DHRS7B: variants seen among roughly 807,000 people sequenced by gnomAD.
The protein encoded by DHRS7B is peroxisomal reductase activating PPAR-gamma.
In DHRS7B, 24 loss-of-function variants were observed where a neutral mutation model predicts 26.4. The observed-to-expected ratio is 0.91, with a 90% CI of 0.66 to 1.28. The LOEUF is 1.28. DHRS7B is among the 50% of genes most tolerant of loss of function. DHRS7B has a pLI of 0.00. For missense variants in DHRS7B, 368 were observed against 419.4 expected, an observed-to-expected ratio of 0.88 and a Z score of 1.07; for synonymous variants, 142 against 166.4, an observed-to-expected ratio of 0.85 and a Z score of 1.13.
chr17:21,141,640 A>AAAAAGG, intron 1 of DHRS7B, among the ~76,000 whole-genome samples: 2 of 90,078 alleles, frequency 2.2e-5, no homozygotes, highest in Non-Finnish European at 4.1e-5. Context: ...AAAAAAAAAA[A>AAAAAGG]CAACCTCATC....
At chr17:21,138,075 A>AAAATATAT (rs1238830544) in intron 1 of DHRS7B, among the ~76,000 whole-genome samples, 4 of 33,226 alleles carry the variant, frequency 1.2e-4, no homozygotes, top group East Asian at 5.3e-4. Context: ...TTAAAAAAAA[A>AAAATATAT]ATATATATAT....
intron 1 of DHRS7B, among the ~76,000 whole-genome samples, chr17:21,168,206 G>C (rs1271814346): frequency 1.3e-5 from 2 of 152,192 alleles, no homozygotes; most frequent in South Asian, 4.1e-4. Context: ...TTCAGAGTTT[G>C]AAAAACTCTG....
chr17:21,164,051 C>A (rs1974057976), intron 1 of DHRS7B, among the ~76,000 whole-genome samples: 1 of 43,228 alleles, frequency 2.3e-5, no homozygotes. Context: ...TTTTTTGAGA[C>A]AGGGTGTCAT....
At chr17:21,141,471 A>G (rs1973507814) in intron 1 of DHRS7B, among the ~76,000 whole-genome samples, 1 of 152,038 alleles carries the variant, frequency 6.6e-6, no homozygotes, top group Admixed American at 6.6e-5. Flanking sequence ...CACACAAAAC[A>G]GCAATAGGAT....
At chr17:21,138,278 G>A (rs1034080350) in intron 1 of DHRS7B, among the ~76,000 whole-genome samples, 12 of 129,264 alleles carry the variant, frequency 9.3e-5, no homozygotes, top group African/African-American at 1.8e-4. Flanking sequence ...GTGCAGTGGC[G>A]CGATCTTGGC....
chr17:21,174,868 G>A (rs1431598943), intron 2 of DHRS7B, among the ~76,000 whole-genome samples: 1 of 152,172 alleles, frequency 6.6e-6, no homozygotes, highest in Non-Finnish European at 1.5e-5. Context: ...ATCTGGCTTG[G>A]AGTGCAGCCA....
chr17:21,153,549 A>G (rs531580015), intron 1 of DHRS7B, among the ~76,000 whole-genome samples: 3 of 152,344 alleles, frequency 2.0e-5, no homozygotes, highest in East Asian at 1.9e-4. Context: ...AAGTTCAGAG[A>G]ACACCAAGCA....
At chr17:21,144,261 A>G (rs1446659690) in intron 1 of DHRS7B, among the ~76,000 whole-genome samples, 2 of 152,184 alleles carry the variant, frequency 1.3e-5, no homozygotes, top group African/African-American at 2.4e-5. Context: ...ATAAGTGCCT[A>G]GAGATGCAGG....
At chr17:21,136,278 G>A (rs1444563175) in intron 1 of DHRS7B, among the ~76,000 whole-genome samples, 2 of 150,988 alleles carry the variant, frequency 1.3e-5, no homozygotes, top group Non-Finnish European at 2.9e-5. Context: ...CTCCAGCCTG[G>A]GCAACAAGAG....
chr17:21,169,866 C>T (rs1359596614), intron 1 of DHRS7B, among the ~76,000 whole-genome samples: 2 of 152,102 alleles, frequency 1.3e-5, no homozygotes, highest in South Asian at 2.1e-4. Flanking sequence ...AGCTGAGGCC[C>T]CCACCCCTTT....
chr17:21,183,058 CTCTA>C (rs1170781816), intron 3 of DHRS7B, among the ~76,000 whole-genome samples: 1 of 152,176 alleles, frequency 6.6e-6, no homozygotes, highest in Non-Finnish European at 1.5e-5. Context: ...CTGATCCAAT[CTCTA>C]TCTGTTAGAA....
At chr17:21,159,130 G>T (rs1055266664) in intron 1 of DHRS7B, among the ~76,000 whole-genome samples, 4 of 152,068 alleles carry the variant, frequency 2.6e-5, no homozygotes, top group African/African-American at 9.7e-5. Context: ...ATCCATGAAA[G>T]AAATAATTGA....
intron 1 of DHRS7B, among the ~76,000 whole-genome samples, chr17:21,156,596 CTCCA>C (rs1171170342): frequency 6.8e-6 from 1 of 146,668 alleles, no homozygotes; most frequent in African/African-American, 2.5e-5. Flanking sequence ...CAGAGTGAGA[CTCCA>C]TCTCAAAAAA....
In DHRS7B at chr17:21,178,257, C is replaced by A. The variant is rs757076694; in HGVS notation, c.224C>A (p.Ala75Glu). The change falls in exon 3 of 7, where the codon GCG becomes GAG. Residue 75 changes from alanine (A) to glutamate (E), a missense_variant. Transcript: ENST00000395511. ...GKECAKVFYA[A>E]GAKLVLCGRN... ...GAATGTGCAAAAGTCTTCTATGCTG[C>A]GGGTGCTAAACTGGTGCTCTGTGGC... 1.2e-6 allele frequency: 2 copies of A among 1,614,112 alleles called. No individual in the cohort carries two copies. Among genetic ancestry groups the A allele is most frequent in the African/African-American group, 2.7e-5 (2 of 74,942 alleles).
intron 3 of DHRS7B, among the ~76,000 whole-genome samples, chr17:21,180,863 G>T (rs1222638893): frequency 6.9e-6 from 1 of 144,928 alleles, no homozygotes; most frequent in Non-Finnish European, 1.5e-5. Flanking sequence ...ATTTTGATAG[G>T]AATAACATCG....
intron 1 of DHRS7B, among the ~76,000 whole-genome samples, chr17:21,143,311 C>G (rs1382690874): frequency 6.6e-6 from 1 of 152,196 alleles, no homozygotes; most frequent in Non-Finnish European, 1.5e-5. Flanking sequence ...GATCTGCAGC[C>G]TTGGCCTCCC....
chr17:21,166,433 C>A, intron 1 of DHRS7B: 2 of 984,998 alleles, frequency 2.0e-6, no homozygotes, highest in Non-Finnish European at 2.4e-6. Flanking sequence ...AAGACACTGG[C>A]GCCAGGAACC....
At position 21,164,030 on chromosome 17, in the gene DHRS7B, C is replaced by CTTTTTTTTTTTTTTTTTTTTTTTTTTT. The variant is rs35189205; in HGVS notation, c.21-7972_21-7971insTTTTTTTTTTTTTTTTTTTTTTTTTTT. Among the ~76,000 whole-genome samples, 28 of 96,948 alleles carry CTTTTTTTTTTTTTTTTTTTTTTTTTTT rather than the reference C, an allele frequency of 2.9e-4. 7 individuals carry two copies. The highest frequency in any genetic ancestry group is 1.4e-3 in the African/African-American group (28 of 19,760). 63.6% of individuals were successfully genotyped at this position (96,948 alleles called of 152,430 possible). A position where few individuals can be genotyped will look rare whatever the true frequency, so the allele number is the denominator to read the frequency against. ...AGTGCAGATATTGTCAATTGTTGTG[C>CTTTTTTTTTTTTTTTTTTTTTTTTTTT]TTTTTTTTTTTTTTTTGAGACAGGG... On this transcript the variant is annotated intron_variant, in intron 1 of 6. Transcript: ENST00000395511.
chr17:21,190,918 C>CA (rs772529738), intron 6 of DHRS7B, 30 bp from the exon 7 acceptor site: 2 of 1,610,572 alleles, frequency 1.2e-6, no homozygotes, highest in East Asian at 4.5e-5. Context: ...CTTCCAAGTT[C>CA]ATGTGTTTCT....
Sources: allele counts gnomAD v4.1 joint callset (sites outside exome capture counted in the v4.1 genomes callset), GRCh38; gene constraint gnomAD v4.1.1; transcripts MANE v1.5; gene names NCBI Gene and HGNC (gene_info 2026-07-23, HGNC 2026-07-21).